Variants in ZNF385D observed in about 807,000 individuals in gnomAD.
ZNF385D encodes zinc finger protein 385D.
A neutral mutation model predicts 35.8 loss-of-function variants in ZNF385D; 15 were observed. That is an observed-to-expected ratio of 0.42 (90% CI 0.28 to 0.64). The LOEUF (loss-of-function observed/expected upper bound fraction) is 0.64. Ranked by LOEUF, ZNF385D falls within the 30% of genes least tolerant of loss-of-function variation. The pLI is 0.23. For missense variants in ZNF385D, 474 were observed against 494.6 expected (o/e 0.96, Z 0.39); for synonymous variants, 212 against 186.8 (o/e 1.13, Z -1.10).
intron 3 of ZNF385D, among the ~76,000 whole-genome samples, chr3:22,056,868 C>A (rs373635146): frequency 1.3e-5 from 2 of 152,172 alleles, no homozygotes; most frequent in Non-Finnish European, 2.9e-5. Flanking sequence ...GGAGCCCAGG[C>A]TGAATGATTA....
At chr3:22,297,151 C>T (rs781739913) in intron 2 of ZNF385D, among the ~76,000 whole-genome samples, 1 of 152,098 alleles carries the variant, frequency 6.6e-6, no homozygotes, top group Admixed American at 6.6e-5. Context: ...AAAGGTCGCA[C>T]TAGAATATGG....
chr3:21,999,992 C>G (rs1559836017), intron 3 of ZNF385D, among the ~76,000 whole-genome samples: 1 of 152,042 alleles, frequency 6.6e-6, no homozygotes, highest in Non-Finnish European at 1.5e-5. Flanking sequence ...CAAAAATCCC[C>G]AAATAGATTC....
chr3:22,036,164 AT>A (rs1186562066), intron 3 of ZNF385D, among the ~76,000 whole-genome samples: 4 of 152,212 alleles, frequency 2.6e-5, no homozygotes, highest in Admixed American at 6.6e-5. Context: ...TAGAAGTTAT[AT>A]CAATTGAGAA....
At chr3:21,735,890 T>C (rs1298640291) in intron 1 of ZNF385D, among the ~76,000 whole-genome samples, 3 of 152,206 alleles carry the variant, frequency 2.0e-5, no homozygotes, top group African/African-American at 7.2e-5. Context: ...CTGAAGACTC[T>C]AACAGCAAGG....
Position 22,026,733 on chromosome 3 carries a change from C to T in ZNF385D, c.325+142084G>A, listed in dbSNP as rs184852270. 5.6e-3 allele frequency among the ~76,000 whole-genome samples: 848 copies of T among 152,286 alleles called. 6 individuals are homozygous for T. The highest frequency in any genetic ancestry group is 7.1e-3 in the Non-Finnish European group (485 of 68,022). On this transcript the variant is annotated intron_variant, in intron 3 of 5. Transcript: ENST00000494108. ...GCCAAATGGAAGCCATTAGAGCTGC[C>T]TCTACCTAGAAAAATAGTAAATCAA...
At chr3:22,337,596 C>T (rs1394573660) in intron 2 of ZNF385D, among the ~76,000 whole-genome samples, 1 of 152,096 alleles carries the variant, frequency 6.6e-6, no homozygotes, top group Admixed American at 6.5e-5. Flanking sequence ...TTAGAACTCA[C>T]CGAAAATGCC....
intron 3 of ZNF385D, among the ~76,000 whole-genome samples, chr3:21,906,748 G>T (rs1410175125): frequency 5.9e-5 from 9 of 152,060 alleles, no homozygotes; most frequent in Non-Finnish European, 1.2e-4. Context: ...TAAAGTCCTG[G>T]GGCCCTTGCC....
chr3:21,629,714 T>A (rs1050314162), intron 2 of ZNF385D, among the ~76,000 whole-genome samples: 1 of 152,146 alleles, frequency 6.6e-6, no homozygotes, highest in African/African-American at 2.4e-5. Context: ...TGTTTGCCAC[T>A]GGTTCCCATG....
intron 2 of ZNF385D, among the ~76,000 whole-genome samples, chr3:21,643,613 T>C (rs1441420644): frequency 6.6e-6 from 1 of 152,132 alleles, no homozygotes; most frequent in East Asian, 1.9e-4. Flanking sequence ...TGAATTCTCA[T>C]GCACCTCAGA....
intron 4 of ZNF385D, among the ~76,000 whole-genome samples, chr3:21,506,148 G>T (rs233163): frequency 1.3e-5 from 2 of 151,944 alleles, no homozygotes; most frequent in Non-Finnish European, 2.9e-5. Flanking sequence ...AATTATTCTT[G>T]CCTGCCCCAT....
intron 1 of ZNF385D, among the ~76,000 whole-genome samples, chr3:21,718,243 C>A (rs1364899088): frequency 6.6e-6 from 1 of 152,210 alleles, no homozygotes; most frequent in Admixed American, 6.5e-5. Flanking sequence ...TCCAGATTTA[C>A]TCCTGATCAA....
At chr3:21,937,470 C>T (rs1368914382) in intron 3 of ZNF385D, among the ~76,000 whole-genome samples, 1 of 152,136 alleles carries the variant, frequency 6.6e-6, no homozygotes, top group South Asian at 2.1e-4. Context: ...ATTCTAGCTA[C>T]ACTAATAAGT....
intron 3 of ZNF385D, among the ~76,000 whole-genome samples, chr3:22,111,668 G>A (rs62246423): frequency 0.23 from 35,011 of 151,996 alleles, 4,856 homozygotes; most frequent in Middle Eastern, 0.36. Flanking sequence ...TTAGACTTAC[G>A]CTGTCTTCGT....
intron 3 of ZNF385D, among the ~76,000 whole-genome samples, chr3:22,084,201 C>A (rs915979062): frequency 8.5e-5 from 13 of 152,148 alleles, no homozygotes; most frequent in African/African-American, 3.1e-4. Flanking sequence ...CAGCTAACAT[C>A]ATAATGACAG....
chr3:21,819,105 G>T (rs1435678865), intron 3 of ZNF385D, among the ~76,000 whole-genome samples: 4 of 151,716 alleles, frequency 2.6e-5, no homozygotes, highest in African/African-American at 4.8e-5. Flanking sequence ...TTAATACTTG[G>T]TTATAAATAT....
At chr3:21,598,531 A>G (rs1037021602) in intron 2 of ZNF385D, among the ~76,000 whole-genome samples, 6 of 152,222 alleles carry the variant, frequency 3.9e-5, no homozygotes, top group African/African-American at 1.4e-4. Flanking sequence ...CTGACAGTGA[A>G]GCAATATCTT....
intron 3 of ZNF385D, among the ~76,000 whole-genome samples, chr3:21,548,958 G>T (rs2062476246): frequency 1.3e-5 from 2 of 152,134 alleles, no homozygotes; most frequent in Admixed American, 1.3e-4. Flanking sequence ...TGGTTTGTAT[G>T]ATTTTATATC....
intron 3 of ZNF385D, among the ~76,000 whole-genome samples, chr3:21,869,486 G>C (rs916491235): frequency 7.2e-5 from 11 of 152,086 alleles, no homozygotes; most frequent in South Asian, 2.1e-4. Context: ...ATACTGTCAG[G>C]CTTCAATAAA....
At position 22,196,284 on chromosome 3, in the gene ZNF385D, T is replaced by C. The variant is rs184402162; in HGVS notation, c.107-27249A>G. ...TCTGCATTCTTATTGCTATACCGAC[T>C]TTGTTTTGTTCAGCATTTCACAGAA... On this transcript the variant is annotated intron_variant, in intron 2 of 5. Coordinates refer to the ZNF385D transcript ENST00000494108. Among the ~76,000 whole-genome samples the C allele has an allele frequency of 1.3e-3, 191 of 152,218 alleles. 1 individual carries two copies. The highest frequency in any genetic ancestry group is 4.4e-3 in the African/African-American group (181 of 41,562).
Sources: gnomAD v4.1 joint callset for allele counts (sites outside exome capture counted in the v4.1 genomes callset) on GRCh38, gnomAD v4.1.1 for gene constraint, MANE v1.5 for transcripts, NCBI Gene and HGNC (gene_info 2026-07-23, HGNC 2026-07-21) for gene names.